SIPA1L1: variants seen among roughly 807,000 people sequenced by gnomAD.
SIPA1L1 encodes the protein signal-induced proliferation-associated 1-like protein 1.
In SIPA1L1, 26 loss-of-function variants were observed where a neutral mutation model predicts 162.7. The ratio of observed to expected loss-of-function variants is 0.16; its 90% CI spans 0.12 to 0.22. The LOEUF (loss-of-function observed/expected upper bound fraction) is 0.22. Ranked by LOEUF, SIPA1L1 falls within the 10% of genes least tolerant of loss-of-function variation. The pLI is 1.00. For missense variants in SIPA1L1, 1,874 were observed against 2,241.0 expected (o/e 0.84, Z 3.31); for synonymous variants, 829 against 837.4 (o/e 0.99, Z 0.17).
intron 14 of SIPA1L1, among the ~76,000 whole-genome samples, chr14:71,699,815 C>T (rs1244951524): frequency 1.3e-5 from 2 of 152,204 alleles, no homozygotes; most frequent in Non-Finnish European, 2.9e-5. Flanking sequence ...TATTTCAAAG[C>T]TGTCAGCCTG....
At chr14:71,707,586 G>A (rs1223457310) in intron 16 of SIPA1L1, among the ~76,000 whole-genome samples, 4 of 152,106 alleles carry the variant, frequency 2.6e-5, no homozygotes, top group Non-Finnish European at 5.9e-5. Flanking sequence ...GGCTTCTCTC[G>A]CTGATTATGT....
At chr14:71,572,989 A>G (rs2032361720) in intron 4 of SIPA1L1, among the ~76,000 whole-genome samples, 1 of 152,230 alleles carries the variant, frequency 6.6e-6, no homozygotes, top group African/African-American at 2.4e-5. Flanking sequence ...CATCTTCCAC[A>G]ACAGGACTTC....
At chr14:71,433,632 T>G (rs2044166947) in intron 2 of SIPA1L1, among the ~76,000 whole-genome samples, 1 of 152,176 alleles carries the variant, frequency 6.6e-6, no homozygotes. Context: ...CTGGACATTC[T>G]TAAGCATGCT....
chr14:71,494,923 G>A (rs1267873920), intron 2 of SIPA1L1, among the ~76,000 whole-genome samples: 1 of 152,194 alleles, frequency 6.6e-6, no homozygotes. Flanking sequence ...ACAGGCATGA[G>A]CCACTGCGCC....
At chr14:71,540,783 A>G (rs1324370872) in intron 4 of SIPA1L1, among the ~76,000 whole-genome samples, 1 of 152,196 alleles carries the variant, frequency 6.6e-6, no homozygotes, top group East Asian at 1.9e-4. Flanking sequence ...TTAAAAAAGT[A>G]CTCAAATATA....
At chr14:71,642,483 A>G (rs571006480) in intron 7 of SIPA1L1, among the ~76,000 whole-genome samples, 33 of 152,346 alleles carry the variant, frequency 2.2e-4, no homozygotes, top group African/African-American at 7.7e-4. Flanking sequence ...TTTTGCCTCA[A>G]TAGTGGGGCA....
intron 4 of SIPA1L1, among the ~76,000 whole-genome samples, chr14:71,568,777 AAC>A (rs1382399042): frequency 2.0e-5 from 3 of 152,244 alleles, no homozygotes; most frequent in Non-Finnish European, 4.4e-5. Flanking sequence ...AAATTTCATA[AAC>A]ACACAGTACT....
At chr14:71,382,369 G>A (rs375177179) in intron 2 of SIPA1L1, among the ~76,000 whole-genome samples, 52 of 152,284 alleles carry the variant, frequency 3.4e-4, no homozygotes, top group African/African-American at 1.2e-3. Context: ...GATGAAATAG[G>A]CTTTAGAATC....
intron 8 of SIPA1L1, among the ~76,000 whole-genome samples, chr14:71,652,637 T>TTC (rs2042722244): frequency 6.6e-6 from 1 of 151,634 alleles, no homozygotes; most frequent in Non-Finnish European, 1.5e-5. Context: ...CTTTTTTTTT[T>TTC]CCCCCTAACC....
At chr14:71,495,233 T>C (rs1423625920) in intron 2 of SIPA1L1, among the ~76,000 whole-genome samples, 1 of 152,182 alleles carries the variant, frequency 6.6e-6, no homozygotes, top group Non-Finnish European at 1.5e-5. Context: ...TAGAATTCCA[T>C]GGTGAAGCCA....
intron 7 of SIPA1L1, among the ~76,000 whole-genome samples, chr14:71,648,151 C>T (rs1194906630): frequency 6.6e-6 from 1 of 152,040 alleles, no homozygotes; most frequent in Non-Finnish European, 1.5e-5. Context: ...TTAGCCAGGC[C>T]TGGTGGCGCA....
chr14:71,377,266 C>T lies in SIPA1L1; in HGVS notation c.-465+56085C>T, dbSNP rs940036576. Among the ~76,000 whole-genome samples, 13 of 151,848 alleles carry T rather than the reference C, an allele frequency of 8.6e-5. No homozygotes were observed. The highest frequency in any genetic ancestry group is 3.9e-4 in the East Asian group (2 of 5,102). On this transcript the variant is annotated intron_variant, in intron 2 of 23. Coordinates refer to ENST00000381232, the MANE Select transcript of SIPA1L1 (RefSeq NM_001386936.1). This position sits in a 1 kb window ranked among gnomAD's most constrained non-coding sequence, Gnocchi z 4.8. Reference sequence around the variant, plus strand: ...CCCCCCCACCTCCCAGACGGGGCGGCGGCCGGACGGGGGCGTTCTCCACTT... The same window carrying T: ...CCCCCCCACCTCCCAGACGGGGCGGTGGCCGGACGGGGGCGTTCTCCACTT...
At chr14:71,737,610 T>C (rs1011291600) in intron 22 of SIPA1L1, among the ~76,000 whole-genome samples, 2 of 152,158 alleles carry the variant, frequency 1.3e-5, no homozygotes, top group African/African-American at 2.4e-5. Flanking sequence ...CACGGCATGA[T>C]TAGCGTGCCA....
At chr14:71,590,366 C>A (rs1457151716) in intron 5 of SIPA1L1, among the ~76,000 whole-genome samples, 1 of 151,928 alleles carries the variant, frequency 6.6e-6, no homozygotes, top group African/African-American at 2.4e-5. Flanking sequence ...GCGAGAGGCT[C>A]CCTGTCTGCA....
intron 2 of SIPA1L1, chr14:71,330,865 C>CATATTCTAGATATTAACACCTTATG: frequency 1.8e-6 from 1 of 571,294 alleles, no homozygotes; most frequent in Non-Finnish European, 3.2e-6. Flanking sequence ...TTTTCCACTC[C>CATATTCTAGATATTAACACCTTATG]AGGTTGCTTT....
intron 15 of SIPA1L1, chr14:71,704,844 T>C (rs944671147): frequency 1.2e-5 from 13 of 1,125,836 alleles, no homozygotes; most frequent in Non-Finnish European, 1.8e-5. Context: ...CCTGTCTAGG[T>C]AATGTAGACC....
intron 4 of SIPA1L1, among the ~76,000 whole-genome samples, chr14:71,548,906 A>G: frequency 6.6e-6 from 1 of 150,960 alleles, no homozygotes; most frequent in East Asian, 1.9e-4. Flanking sequence ...AAAAAAAAAA[A>G]GTGAAATGAA....
chr14:71,390,101 C>T (rs530634230), intron 2 of SIPA1L1, among the ~76,000 whole-genome samples: 39 of 152,256 alleles, frequency 2.6e-4, no homozygotes, highest in African/African-American at 8.9e-4. Context: ...TATGCTTATA[C>T]CATTCAAATA....
intron 2 of SIPA1L1, among the ~76,000 whole-genome samples, chr14:71,423,104 G>T (rs1193433452): frequency 6.6e-6 from 1 of 151,936 alleles, no homozygotes; most frequent in Non-Finnish European, 1.5e-5. Context: ...TGTGCTTATT[G>T]GCCATTTTAA....
Sources: gnomAD v4.1 joint callset for allele counts (sites outside exome capture counted in the v4.1 genomes callset) on GRCh38, gnomAD v4.1.1 for gene constraint, Gnocchi (gnomAD v3.1) non-coding constraint, MANE v1.5 for transcripts, NCBI Gene and HGNC (gene_info 2026-07-23, HGNC 2026-07-21) for gene names.